AXIN1: variants seen among roughly 807,000 people sequenced by gnomAD.
AXIN1 encodes axin-1.
In AXIN1, 30 loss-of-function variants were observed where a neutral mutation model predicts 76.4. The ratio of observed to expected loss-of-function variants is 0.39; its 90% CI spans 0.29 to 0.53. The LOEUF (loss-of-function observed/expected upper bound fraction) is 0.53, where lower values mean the gene tolerates loss of function less well. Among genes scored for constraint, AXIN1 ranks in the 20% least tolerant of loss-of-function variants. The pLI is 0.66. For missense variants in AXIN1, 1,140 were observed against 1,198.8 expected, an observed-to-expected ratio of 0.95 and a Z score of 0.72; for synonymous variants, 545 against 501.4, an observed-to-expected ratio of 1.09 and a Z score of -1.16.
chr16:309,018 G>A (rs2053101349), intron 4 of AXIN1, among the ~76,000 whole-genome samples: 1 of 152,254 alleles, frequency 6.6e-6, no homozygotes, highest in East Asian at 1.9e-4. Flanking sequence ...AGATGGTCAC[G>A]TGGTTTAACC....
At chr16:305,582 C>T (rs1346881218) in intron 4 of AXIN1, among the ~76,000 whole-genome samples, 1 of 152,040 alleles carries the variant, frequency 6.6e-6, no homozygotes, top group Non-Finnish European at 1.5e-5. Flanking sequence ...CTCGCTCTGT[C>T]ACCCAGGCTG....
At chr16:342,233 C>T (rs577895013) in intron 2 of AXIN1, among the ~76,000 whole-genome samples, 17 of 152,142 alleles carry the variant, frequency 1.1e-4, no homozygotes, top group African/African-American at 2.4e-4. Context: ...CCAGTGAGAC[C>T]ACGAACCCAC....
At chr16:343,898 C>T (rs1463710968) in intron 2 of AXIN1, among the ~76,000 whole-genome samples, 2 of 150,130 alleles carry the variant, frequency 1.3e-5, no homozygotes, top group Non-Finnish European at 3.0e-5. Context: ...CCCAGCTACT[C>T]GGGAGGCAGG....
intron 4 of AXIN1, among the ~76,000 whole-genome samples, chr16:307,717 C>T (rs2053064803): frequency 6.6e-6 from 1 of 152,206 alleles, no homozygotes; most frequent in Non-Finnish European, 1.5e-5. Flanking sequence ...CTCCTGCTGT[C>T]CCTGCTGCAG....
rs773096813 is a variant in AXIN1, at chr16:346,436, G to C, written c.590C>G (p.Thr197Ser). The change falls in exon 2 of 11, where the codon ACC becomes AGC. Residue 197 changes from threonine to serine, a missense_variant. Coordinates refer to ENST00000262320, the MANE Select transcript of AXIN1 (RefSeq NM_003502.4). Reference protein sequence around the residue: ...TEIQATMEENTYPSFLKSDIY... With the variant: ...TEIQATMEENSYPSFLKSDIY... The stretch of plus-strand genomic sequence containing the variant: ...ATCAGACTTAAGGAAGGAGGGATAG[G>C]TGTTTTCCTCCATAGTGGCCTGGAT... 1.2e-6 allele frequency: 2 copies of C among 1,614,218 alleles called. No individual in the cohort carries two copies. The highest frequency in any genetic ancestry group is 1.7e-6 in the Non-Finnish European group (2 of 1,180,048).
intron 5 of AXIN1, chr16:299,326 A>T (rs1420248464): frequency 3.9e-6 from 3 of 776,034 alleles, no homozygotes; most frequent in South Asian, 5.8e-5. Context: ...CAAAAGAAAG[A>T]GAGGGAACTA....
At chr16:305,513 A>G (rs2052995563) in intron 4 of AXIN1, among the ~76,000 whole-genome samples, 1 of 152,128 alleles carries the variant, frequency 6.6e-6, no homozygotes, top group African/African-American at 2.4e-5. Context: ...ATTTTATAGT[A>G]ATATACCATA....
At chr16:327,588 C>G (rs1463530568) in intron 2 of AXIN1, among the ~76,000 whole-genome samples, 1 of 152,250 alleles carries the variant, frequency 6.6e-6, no homozygotes, top group Non-Finnish European at 1.5e-5. Context: ...GTGTGTGTTT[C>G]TGCAGACTGT....
Position 352,536 on chromosome 16 carries a change from G to T in AXIN1, c.-249C>A. ...TCGGCGGCCCGGAGGCGGACGCGGG[G>T]CAGGCCGCGGGGGCGCCGCAGGGGC... On this transcript the variant is annotated 5_prime_UTR_variant, in exon 1 of 11. Coordinates refer to ENST00000262320, the MANE Select transcript of AXIN1 (RefSeq NM_003502.4). The T allele has an allele frequency of 3.8e-6, 2 of 528,786 alleles. No individual in the cohort carries two copies. The highest frequency in any genetic ancestry group is 4.8e-6 in the Non-Finnish European group (2 of 415,524). 32.8% of individuals were successfully genotyped at this position (528,786 alleles called of 1,614,324 possible).
intron 5 of AXIN1, among the ~76,000 whole-genome samples, chr16:298,791 CAG>C (rs1353645856): frequency 6.6e-6 from 1 of 151,834 alleles, no homozygotes; most frequent in East Asian, 1.9e-4. Context: ...TTTTTTGAGA[CAG>C]AGTCTTGCTC....
At chr16:303,554 T>G (rs1255430789) in intron 5 of AXIN1, among the ~76,000 whole-genome samples, 5 of 151,934 alleles carry the variant, frequency 3.3e-5, no homozygotes, top group Non-Finnish European at 7.4e-5. Context: ...CTAATTTTTG[T>G]ATTTTTCATT....
At chr16:344,798 T>C (rs541588787) in intron 2 of AXIN1, among the ~76,000 whole-genome samples, 72 of 152,332 alleles carry the variant, frequency 4.7e-4, no homozygotes, top group Admixed American at 1.7e-3. Flanking sequence ...CGACAGTCCA[T>C]CTTAAATCGT....
intron 10 of AXIN1, 44 bp from the exon 11 acceptor site, chr16:288,292 A>C: frequency 3.7e-6 from 6 of 1,612,778 alleles, no homozygotes; most frequent in Non-Finnish European, 5.1e-6. Context: ...GCAGCACCGC[A>C]GATGGGAAGG....
At chr16:296,918 T>C (rs537214947) in intron 7 of AXIN1, 138 bp downstream of exon 7, 1 of 1,081,360 alleles carries the variant, frequency 9.2e-7, no homozygotes, top group East Asian at 2.4e-5. Context: ...CCCGGGAGGG[T>C]GCCACAGTGA....
At chr16:339,677 C>CT (rs1473355397) in intron 2 of AXIN1, among the ~76,000 whole-genome samples, 29 of 149,570 alleles carry the variant, frequency 1.9e-4, no homozygotes, top group Non-Finnish European at 3.6e-4. Context: ...GCAAGACTGT[C>CT]TAAAAAAAAA....
chr16:297,555 G>A (rs1018730779), intron 6 of AXIN1, among the ~76,000 whole-genome samples, 167 bp downstream of exon 6: 6 of 152,298 alleles, frequency 3.9e-5, no homozygotes, highest in South Asian at 2.1e-4. Context: ...CTGAGGTCAC[G>A]GCGTGGACTC....
chr16:332,592 CA>C (rs1327299249), intron 2 of AXIN1, among the ~76,000 whole-genome samples: 12 of 96,792 alleles, frequency 1.2e-4, no homozygotes, highest in East Asian at 2.7e-4. Flanking sequence ...AAAAAGAAAA[CA>C]AAAAAAAAAT....
Position 293,818 on chromosome 16 carries a change from T to C in AXIN1, c.1956-100A>G, listed in dbSNP as rs2052635111. The C allele has an allele frequency of 7.6e-6, 9 of 1,183,794 alleles. No individual in the cohort carries two copies. The Admixed American group carries it at 1.2e-4, about 16-fold the overall frequency. 73.3% of individuals were successfully genotyped at this position (1,183,794 alleles called of 1,614,324 possible). On this transcript the variant is annotated intron_variant, in intron 7 of 10. Transcript: ENST00000262320. The surrounding 1 kb of genome is among the most constrained non-coding windows in gnomAD (Gnocchi z 4.6). ...TCACAAGGGCAGCCTCCTTGAGGGA[T>C]AGGATGGGATGGGGCACTGGGGCCT...
chr16:319,151 C>T (rs2053381594), intron 2 of AXIN1, among the ~76,000 whole-genome samples: 1 of 152,164 alleles, frequency 6.6e-6, no homozygotes, highest in Non-Finnish European at 1.5e-5. Context: ...TAGTGACAGA[C>T]TCCTCGCAAC....
Sources: allele counts gnomAD v4.1 joint callset (sites outside exome capture counted in the v4.1 genomes callset), GRCh38; gene constraint gnomAD v4.1.1; non-coding constraint Gnocchi (gnomAD v3.1); transcripts MANE v1.5; gene names NCBI Gene and HGNC (gene_info 2026-07-23, HGNC 2026-07-21).